Variants in CYB561A3 observed in about 807,000 individuals in gnomAD.
The protein encoded by CYB561A3 is lysosomal membrane ascorbate-dependent ferrireductase CYB561A3.
A neutral mutation model predicts 25.3 loss-of-function variants in CYB561A3; 16 were observed. The ratio of observed to expected loss-of-function variants is 0.63; its 90% CI spans 0.43 to 0.96. The LOEUF (loss-of-function observed/expected upper bound fraction) is 0.96. CYB561A3 is among the 40% of genes least tolerant of loss of function. The pLI, the probability that CYB561A3 is intolerant of heterozygous loss-of-function variation, is 0.00. For missense variants in CYB561A3, 219 were observed against 307.5 expected, an observed-to-expected ratio of 0.71 and a Z score of 2.15; for synonymous variants, 131 against 129.9, an observed-to-expected ratio of 1.01 and a Z score of -0.06.
chr11:61,350,913 A>C, intron 6 of CYB561A3, 78 bp downstream of exon 6: 1 of 1,516,748 alleles, frequency 6.6e-7, no homozygotes, highest in Non-Finnish European at 8.8e-7. Flanking sequence ...CTTCTTGTCA[A>C]GGCCCCAGCC....
chr11:61,353,023 G>T lies in CYB561A3; in HGVS notation c.510C>A (p.Ser170=), dbSNP rs200527395. The change falls in exon 5 of 7, where the codon TCC becomes TCA. Residue 170 remains serine (S), a synonymous_variant. Coordinates refer to ENST00000294072, the MANE Select transcript of CYB561A3 (RefSeq NM_153611.6). ...GAAILSLSIA[S]VISGINEKLF... ...GCTTCTCATTAATGCCCGAAATGAC[G>T]GATGCGATGGACAGAGAGAGGATGG... The T allele has an allele frequency of 5.6e-6, 9 of 1,614,024 alleles. No homozygotes were observed. The highest frequency in any genetic ancestry group is 1.3e-5 in the African/African-American group (1 of 74,906).
chr11:61,353,106 A>G lies in CYB561A3; in HGVS notation c.427T>C (p.Trp143Arg), dbSNP rs539002764. 3.1e-5 allele frequency: 50 copies of G among 1,612,762 alleles called. No homozygotes were observed. Among genetic ancestry groups the G allele is most frequent in the Non-Finnish European group, 3.3e-5 (39 of 1,179,490 alleles). ...AGGCTGCGCAGCCACATGGACGCCCAGGGCAGGAGGAAGACAGCAAAGCCC... is the reference window on the plus strand; with the variant it reads ...AGGCTGCGCAGCCACATGGACGCCCGGGGCAGGAGGAAGACAGCAAAGCCC... ...FLGFAVFLLP[W>R]ASMWLRSLLK... Residue 143 changes from tryptophan to arginine, a missense_variant, in exon 5 of 7, where the codon TGG becomes CGG. Physicochemically the swap from Trp to Arg is moderately radical, Grantham distance 101. Transcript: ENST00000294072.
At position 61,356,669 on chromosome 11, in the gene CYB561A3, G is replaced by A; in HGVS notation, c.45C>T (p.Ser15=). The A allele has an allele frequency of 6.2e-7, 1 of 1,614,166 alleles. No individual in the cohort carries two copies. Among genetic ancestry groups the A allele is most frequent in the Non-Finnish European group, 8.5e-7 (1 of 1,180,034 alleles). ...TGAAGAGGATGCACATAGAGCCCAG[G>A]GACCCCAGCAGCAGGCAGGACAAGT... is the stretch of plus-strand genomic sequence containing the variant. ...RFYLSCLLLG[S]LGSMCILFTI... is the part of the protein sequence containing the mutation. The change falls in exon 3 of 7, where the codon TCC becomes TCT. Residue 15 remains serine (S), a synonymous_variant. Transcript: ENST00000294072.
rs141636253 is a variant in CYB561A3 at position 61,352,624 on chromosome 11, A to G, written c.548+361T>C. 1.4e-3 allele frequency: 412 copies of G among 294,758 alleles called. 36 individuals are homozygous for G. The East Asian group carries it at 0.056, about 40-fold the overall frequency. The allele number at this position is 294,758 out of a possible 1,614,324, so 18.3% of individuals were successfully genotyped here. A position where few individuals can be genotyped will look rare whatever the true frequency, so the allele number is the denominator to read the frequency against. On this transcript the variant is annotated intron_variant, in intron 5 of 6. Coordinates refer to ENST00000294072, the MANE Select transcript of CYB561A3 (RefSeq NM_153611.6). ...TGCAGCGAGCCAAGATTGTGCCACT[A>G]CACTCCAGCCTGGGCGACAGAGTGA...
intron 3 of CYB561A3, chr11:61,354,297 CAGTG>C: frequency 2.4e-6 from 1 of 413,232 alleles, no homozygotes; most frequent in Non-Finnish European, 4.5e-6. Context: ...TTTGAGGTTA[CAGTG>C]AGCTATGATC....
At chr11:61,357,268 T>C (rs1381259654) in intron 2 of CYB561A3, 1 of 1,548,248 alleles carries the variant, frequency 6.5e-7, no homozygotes, top group Non-Finnish European at 8.7e-7. Flanking sequence ...TAATCTTCAC[T>C]GGAGAGGTAA....
chr11:61,350,792 G>A (rs1857367794), intron 6 of CYB561A3, 199 bp downstream of exon 6: 1 of 705,054 alleles, frequency 1.4e-6, no homozygotes, highest in Non-Finnish European at 2.2e-6. Context: ...GGACAGACTG[G>A]GGAGTCCCAG....
At chr11:61,352,565 G>C (rs1260650602) in intron 5 of CYB561A3, 1 of 194,332 alleles carries the variant, frequency 5.1e-6, no homozygotes, top group Admixed American at 5.4e-5. Flanking sequence ...GGAGGCAGAG[G>C]CAGGAGAATT....
chr11:61,356,467 G>A (rs1857657831), intron 3 of CYB561A3, 63 bp downstream of exon 3: 3 of 1,543,184 alleles, frequency 1.9e-6, no homozygotes, highest in Admixed American at 1.8e-5. Flanking sequence ...GCCTTGGAGA[G>A]GGAAAGTGCA....
Position 61,349,815 on chromosome 11 carries a change from G to C in CYB561A3, c.*584C>G. On this transcript the variant is annotated 3_prime_UTR_variant, in exon 7 of 7. Coordinates refer to ENST00000294072, the MANE Select transcript of CYB561A3 (RefSeq NM_153611.6). Reference sequence around the variant, plus strand: ...CCCACCTCACATCCAGATGGGGCTGGATGGCAGAGCAGATGAAGCCTGCTC... The same window carrying C: ...CCCACCTCACATCCAGATGGGGCTGCATGGCAGAGCAGATGAAGCCTGCTC... 1 of 608,198 alleles carries C rather than the reference G, an allele frequency of 1.6e-6. No homozygotes were observed. The allele number at this position is 608,198 out of a possible 1,614,324, so 37.7% of individuals were successfully genotyped here.
At chr11:61,359,777 T>C (rs573398833) in intron 1 of CYB561A3, 1 of 152,346 alleles carries the variant, frequency 6.6e-6, no homozygotes, top group East Asian at 1.9e-4. Flanking sequence ...TCCCAGCACT[T>C]TGGGAGGCCC....
intron 4 of CYB561A3, 86 bp from the exon 5 acceptor site, chr11:61,353,225 G>A: frequency 2.1e-6 from 3 of 1,458,370 alleles, no homozygotes; most frequent in South Asian, 1.4e-5. Context: ...CCCCATCTCT[G>A]CTCCCTGGCT....
intron 3 of CYB561A3, among the ~76,000 whole-genome samples, chr11:61,355,137 G>A (rs1024522532): frequency 3.3e-5 from 5 of 151,900 alleles, no homozygotes; most frequent in African/African-American, 1.2e-4. Flanking sequence ...CAAAGTGCTG[G>A]GATTACAGGC....
At chr11:61,350,703 C>G in intron 6 of CYB561A3, 1 of 593,678 alleles carries the variant, frequency 1.7e-6, no homozygotes, top group South Asian at 2.3e-5. Flanking sequence ...CAGTCAAGCC[C>G]TTCCTTGGGG....
intron 6 of CYB561A3, 75 bp downstream of exon 6, chr11:61,350,916 C>A (rs1162261389): frequency 4.1e-5 from 63 of 1,523,582 alleles, no homozygotes; most frequent in Non-Finnish European, 5.4e-5. Flanking sequence ...CTTGTCAAGG[C>A]CCCAGCCTTT....
intron 3 of CYB561A3, chr11:61,354,865 C>CTTTTT (rs1225503619): frequency 1.4e-4 from 5 of 35,262 alleles, no homozygotes; most frequent in African/African-American, 1.8e-4. Context: ...CCTCTCCTTT[C>CTTTTT]TTTTTTTTTT....
At chr11:61,353,741 C>T (rs372737879) in intron 4 of CYB561A3, 43 bp downstream of exon 4, 2 of 1,596,804 alleles carry the variant, frequency 1.3e-6, no homozygotes, top group African/African-American at 2.7e-5. Flanking sequence ...AACCAGAGCT[C>T]ATGGCTCTGG....
chr11:61,354,970 G>T (rs1003679945), intron 3 of CYB561A3, among the ~76,000 whole-genome samples: 1 of 149,942 alleles, frequency 6.7e-6, no homozygotes, highest in Non-Finnish European at 1.5e-5. Context: ...CCGGGTTCAC[G>T]CCATTCTCCT....
intron 6 of CYB561A3, 192 bp downstream of exon 6, chr11:61,350,799 C>T (rs1195136003): frequency 1.3e-6 from 1 of 758,350 alleles, no homozygotes; most frequent in South Asian, 2.2e-5. Context: ...CTGGGGAGTC[C>T]CAGCATTTCA....
Sources: allele counts gnomAD v4.1 joint callset (sites outside exome capture counted in the v4.1 genomes callset), GRCh38; gene constraint gnomAD v4.1.1; transcripts MANE v1.5; gene names NCBI Gene and HGNC (gene_info 2026-07-23, HGNC 2026-07-21).